The following PLCE1 variants were observed in gnomAD, a reference collection of about 807,000 sequenced individuals.
PLCE1 encodes the protein phospholipase C epsilon 1.
PLCE1 carries 119 observed loss-of-function variants against 242.8 expected under a neutral mutation model. The observed-to-expected ratio is 0.49, with a 90% confidence interval of 0.42 to 0.57. The LOEUF is 0.57. Ranked by LOEUF, PLCE1 falls within the 20% of genes least tolerant of loss-of-function variation. The pLI, the probability that PLCE1 is intolerant of heterozygous loss-of-function variation, is 0.00. For missense variants in PLCE1, 2,441 were observed against 2,788.8 expected, an observed-to-expected ratio of 0.88 and a Z score of 2.81; for synonymous variants, 945 against 1,017.4, an observed-to-expected ratio of 0.93 and a Z score of 1.35.
chr10:94,324,017 T>C (rs185920669), intron 30 of PLCE1, among the ~76,000 whole-genome samples: 8 of 152,336 alleles, frequency 5.3e-5, no homozygotes, highest in Admixed American at 3.9e-4. Context: ...CGCTGGTACA[T>C]GCAGAAAATC....
In PLCE1 at chr10:94,297,590, T is replaced by TAAAAAA. The variant is rs71031568; in HGVS notation, c.5168-757_5168-752dup. ...AGGCCTGCCCCAAACTTTAAATTTG[T>TAAAAAA]AAAAAAAAAAAAAAAAAAAAAAAAA... is the stretch of plus-strand genomic sequence containing the variant. On this transcript the variant is annotated intron_variant, in intron 23 of 32. Coordinates refer to ENST00000371380, the MANE Select transcript of PLCE1 (RefSeq NM_016341.4). Among the ~76,000 whole-genome samples the TAAAAAA allele has an allele frequency of 2.3e-4, 13 of 56,580 alleles. 1 individual carries two copies. Among genetic ancestry groups the TAAAAAA allele is most frequent in the East Asian group, 5.6e-4 (1 of 1,794 alleles). 37.1% of individuals were successfully genotyped at this position (56,580 alleles called of 152,430 possible).
chr10:94,201,647 T>G (rs1366596795), intron 4 of PLCE1, among the ~76,000 whole-genome samples: 4 of 152,092 alleles, frequency 2.6e-5, no homozygotes, highest in Non-Finnish European at 5.9e-5. Flanking sequence ...GGCTAATTTT[T>G]TTTGGTATTT....
intron 20 of PLCE1, among the ~76,000 whole-genome samples, chr10:94,281,441 G>A (rs1446753653): frequency 6.6e-6 from 1 of 152,176 alleles, no homozygotes; most frequent in African/African-American, 2.4e-5. Flanking sequence ...AAATGAACAG[G>A]TGGGAGAAGG....
At chr10:94,084,480 G>A (rs2044745375) in intron 2 of PLCE1, among the ~76,000 whole-genome samples, 4 of 152,104 alleles carry the variant, frequency 2.6e-5, no homozygotes, top group African/African-American at 9.7e-5. Context: ...TAAAACCAGG[G>A]CGCTGGACTA....
intron 1 of PLCE1, among the ~76,000 whole-genome samples, chr10:93,997,698 A>C (rs111745158): frequency 6.1e-5 from 9 of 148,382 alleles, no homozygotes; most frequent in African/African-American, 2.2e-4. Context: ...GCTCATTAGA[A>C]AGTTTCAGAT....
chr10:94,158,002 G>T (rs1765905972), intron 3 of PLCE1, among the ~76,000 whole-genome samples: 1 of 152,092 alleles, frequency 6.6e-6, no homozygotes, highest in African/African-American at 2.4e-5. Context: ...GATTGAGTGA[G>T]ATCTCGGAAG....
intron 2 of PLCE1, among the ~76,000 whole-genome samples, chr10:94,058,149 G>T (rs1261826504): frequency 6.6e-6 from 1 of 152,294 alleles, no homozygotes; most frequent in Admixed American, 6.5e-5. Context: ...CAATGTCAAA[G>T]AGACATTTTT....
chr10:94,113,515 G>T (rs2046019813), intron 2 of PLCE1, among the ~76,000 whole-genome samples: 1 of 152,188 alleles, frequency 6.6e-6, no homozygotes, highest in Non-Finnish European at 1.5e-5. Context: ...GGAGCCGTAG[G>T]TGAGAAAAAG....
At position 94,227,294 on chromosome 10, in the gene PLCE1, T is replaced by A. The variant is rs757818094; in HGVS notation, c.1810-12T>A. 6.2e-7 allele frequency: 1 copy of A among 1,613,556 alleles called. No individual in the cohort carries two copies. Among genetic ancestry groups the A allele is most frequent in the South Asian group, 1.1e-5 (1 of 91,072 alleles). On this transcript the variant is annotated splice_polypyrimidine_tract_variant and intron_variant, in intron 4 of 32. Coordinates refer to ENST00000371380, the MANE Select transcript of PLCE1 (RefSeq NM_016341.4). ...GACATAATTCCCGTGAATGTCTCTG[T>A]GTGTTTTCCAGGTGAGCTCCTGGGT...
At chr10:94,309,166 G>A (rs1187708596) in intron 27 of PLCE1, among the ~76,000 whole-genome samples, 2 of 152,200 alleles carry the variant, frequency 1.3e-5, no homozygotes, top group African/African-American at 2.4e-5. Context: ...AGCAGTCCAG[G>A]GGCAAATGTC....
At chr10:94,121,568 A>T (rs2046299318) in intron 2 of PLCE1, among the ~76,000 whole-genome samples, 1 of 152,042 alleles carries the variant, frequency 6.6e-6, no homozygotes, top group Admixed American at 6.6e-5. Flanking sequence ...TAGAAACAGA[A>T]CTCACAGATG....
chr10:94,186,314 A>G (rs1296912576), intron 4 of PLCE1, among the ~76,000 whole-genome samples: 2 of 152,240 alleles, frequency 1.3e-5, no homozygotes, highest in African/African-American at 4.8e-5. Context: ...TTGATGATCA[A>G]CTAAAACTGC....
intron 1 of PLCE1, among the ~76,000 whole-genome samples, chr10:94,004,423 C>G (rs1564618537): frequency 6.6e-6 from 1 of 151,978 alleles, no homozygotes; most frequent in Non-Finnish European, 1.5e-5. Context: ...AAAAGTGTTC[C>G]TAAGGCATAT....
chr10:94,145,491 T>A (rs966019590), intron 3 of PLCE1, among the ~76,000 whole-genome samples: 6 of 152,192 alleles, frequency 3.9e-5, no homozygotes, highest in Admixed American at 3.9e-4. Context: ...ATGGGCCAAA[T>A]CCAAGCCACG....
At chr10:94,015,532 T>C (rs2061261084) in intron 1 of PLCE1, among the ~76,000 whole-genome samples, 1 of 152,208 alleles carries the variant, frequency 6.6e-6, no homozygotes, top group Non-Finnish European at 1.5e-5. Flanking sequence ...TCCTTACCAC[T>C]GCCCCACTGG....
chr10:94,053,364 C>T (rs946312102), intron 2 of PLCE1, among the ~76,000 whole-genome samples: 1 of 152,204 alleles, frequency 6.6e-6, no homozygotes, highest in South Asian at 2.1e-4. Context: ...GACTACTAAT[C>T]GTAAGAATGA....
At chr10:94,136,954 A>G (rs2046797127) in intron 3 of PLCE1, among the ~76,000 whole-genome samples, 1 of 152,222 alleles carries the variant, frequency 6.6e-6, no homozygotes, top group Non-Finnish European at 1.5e-5. Flanking sequence ...GCACTTTGGT[A>G]GGCCGAGGCG....
chr10:94,064,816 G>A (rs2044154269), intron 2 of PLCE1, among the ~76,000 whole-genome samples: 1 of 152,190 alleles, frequency 6.6e-6, no homozygotes, highest in South Asian at 2.1e-4. Context: ...TCCCTGTGCA[G>A]TAAGAAACAG....
chr10:94,141,618 G>A, intron 3 of PLCE1, among the ~76,000 whole-genome samples: 1 of 648 alleles, frequency 1.5e-3, no homozygotes, highest in Non-Finnish European at 5.3e-3. Flanking sequence ...GAAGGAGAAA[G>A]GAAGGCAGAA....
Sources: allele counts gnomAD v4.1 joint callset (sites outside exome capture counted in the v4.1 genomes callset), GRCh38; gene constraint gnomAD v4.1.1; transcripts MANE v1.5; gene names NCBI Gene and HGNC (gene_info 2026-07-23, HGNC 2026-07-21).